The following LSM14B variants were observed in gnomAD, a reference collection of about 807,000 sequenced individuals.
LSM14B encodes the protein LSM family member 14B.
Under a neutral mutation model 42.1 loss-of-function variants are expected in LSM14B, and 8 were observed. That is an observed-to-expected ratio of 0.19 (90% CI 0.11 to 0.34). LSM14B has a LOEUF of 0.34. Ranked by LOEUF, LSM14B falls within the 10% of genes least tolerant of loss-of-function variation. LSM14B has a pLI of 1.00. For synonymous variants in LSM14B, 219 were observed against 209.7 expected (o/e 1.04, Z -0.38); for missense variants, 396 against 513.1 (o/e 0.77, Z 2.21).
chr20:62,128,998 T>TCCTGGAA, intron 3 of LSM14B: 1 of 1,304,000 alleles, frequency 7.7e-7, no homozygotes, highest in Non-Finnish European at 1.0e-6. Context: ...TCCCTACAGG[T>TCCTGGAA]CCTGGAACCT....
At chr20:62,132,843 C>A (rs368124335) in intron 7 of LSM14B, among the ~76,000 whole-genome samples, 23 of 152,180 alleles carry the variant, frequency 1.5e-4, no homozygotes, top group African/African-American at 5.3e-4. Flanking sequence ...ATGCTGTATC[C>A]CTGTCTTTCA....
chr20:62,133,638 G>T (rs1194660445), intron 8 of LSM14B, among the ~76,000 whole-genome samples, 163 bp downstream of exon 8: 1 of 152,220 alleles, frequency 6.6e-6, no homozygotes, highest in Non-Finnish European at 1.5e-5. Flanking sequence ...TCACCCGGGA[G>T]GCTCTTGGCC....
chr20:62,123,313 T>G (rs1029305232), intron 1 of LSM14B: 4 of 152,316 alleles, frequency 2.6e-5, no homozygotes, highest in African/African-American at 7.2e-5. Flanking sequence ...CTGGAACTTA[T>G]TAGACAGCTG....
intron 2 of LSM14B, 50 bp downstream of exon 2, chr20:62,124,830 C>A (rs775241906): frequency 1.3e-6 from 2 of 1,548,390 alleles, no homozygotes; most frequent in Non-Finnish European, 1.7e-6. Flanking sequence ...TGCTGGTTTC[C>A]ATTTGGAGCT....
intron 1 of LSM14B, among the ~76,000 whole-genome samples, chr20:62,123,943 A>G (rs758770730): frequency 2.0e-5 from 3 of 152,226 alleles, no homozygotes; most frequent in Non-Finnish European, 4.4e-5. Flanking sequence ...CCCAGGAGTT[A>G]GCAGGAGTTG....
chr20:62,130,758 G>T lies in LSM14B; in HGVS notation c.835+67G>T, dbSNP rs2056743530. 1 of 1,519,040 alleles carries T rather than the reference G, an allele frequency of 6.6e-7. No individual in the cohort carries two copies. The allele number at this position is 1,519,040 out of a possible 1,614,324, so 94.1% of individuals were successfully genotyped here. ...CCCCTAGAGAGTGTTAGGAGGAGAT[G>T]CCTGGCCGGGTGTGGTGGTTCACGC... On this transcript the variant is annotated intron_variant, in intron 6 of 8. Coordinates refer to ENST00000279068, the MANE Select transcript of LSM14B (RefSeq NM_144703.3). The surrounding 1 kb of genome is among the most constrained non-coding windows in gnomAD (Gnocchi z 4.1).
At chr20:62,128,982 T>TTA (rs1451337673) in intron 3 of LSM14B, 7 of 1,304,264 alleles carry the variant, frequency 5.4e-6, no homozygotes, top group Admixed American at 2.3e-5. Context: ...ATTGTCCTGT[T>TTA]TAGAGTCCCT....
intron 6 of LSM14B, 61 bp from the exon 7 acceptor site, chr20:62,131,295 T>C: frequency 6.5e-7 from 1 of 1,527,322 alleles, no homozygotes; most frequent in Non-Finnish European, 8.8e-7. Context: ...GGGACCACCC[T>C]GCTAAAAGGC....
chr20:62,132,664 C>T (rs1164793508), intron 7 of LSM14B, among the ~76,000 whole-genome samples: 8 of 152,180 alleles, frequency 5.3e-5, no homozygotes, highest in Admixed American at 3.3e-4. Context: ...TCTTTGAACA[C>T]GGAAGTCTGT....
In LSM14B at chr20:62,130,636, C is replaced by A; in HGVS notation, c.780C>A (p.Ala260=). 2 of 1,613,842 alleles carry A rather than the reference C, an allele frequency of 1.2e-6. No individual in the cohort carries two copies. Among genetic ancestry groups the A allele is most frequent in the Non-Finnish European group, 1.7e-6 (2 of 1,179,850 alleles). The change falls in exon 6 of 9, where the codon GCC becomes GCA. Residue 260 remains alanine, a synonymous_variant. Coordinates refer to ENST00000279068, the MANE Select transcript of LSM14B (RefSeq NM_144703.3). The surrounding 1 kb of genome is among the most constrained non-coding windows in gnomAD (Gnocchi z 4.1). ...ACTTTGATTTCGAGAGTGCAAATGCCCAGTTCAACCGAGAGGAGCTTGACA... is the reference window on the plus strand; with the variant it reads ...ACTTTGATTTCGAGAGTGCAAATGCACAGTTCAACCGAGAGGAGCTTGACA... The part of the protein sequence containing the change: ...EGDFDFESAN[A]QFNREELDKE...
At chr20:62,123,350 G>A (rs1600907907) in intron 1 of LSM14B, 1 of 152,502 alleles carries the variant, frequency 6.6e-6, no homozygotes, top group Admixed American at 6.5e-5. Flanking sequence ...CAAATACCGC[G>A]TCCTAATGCG....
chr20:62,127,698 A>G (rs1308194957), intron 3 of LSM14B: 1 of 1,547,602 alleles, frequency 6.5e-7, no homozygotes, highest in Admixed American at 2.0e-5. Context: ...GCTCACTGCC[A>G]AGGGTAACAG....
At chr20:62,126,628 G>C (rs1298720840) in intron 3 of LSM14B, among the ~76,000 whole-genome samples, 189 bp downstream of exon 3, 4 of 152,238 alleles carry the variant, frequency 2.6e-5, no homozygotes, top group Non-Finnish European at 5.9e-5. Context: ...TCAACTGAAA[G>C]TAAAAGAGGC....
chr20:62,129,489 G>A (rs1222480981), intron 3 of LSM14B, among the ~76,000 whole-genome samples: 2 of 152,114 alleles, frequency 1.3e-5, no homozygotes, highest in East Asian at 1.9e-4. Context: ...TTGTAGGCAC[G>A]GTGTTTTTCC....
Position 62,134,462 on chromosome 20 carries a change from CTTACT to C in LSM14B, c.*317_*321del, listed in dbSNP as rs899208211. ...AGGTTTCTATAGTGAAAGCTGAATC[CTTACT>C]TTGTGACTTTTTTTTTTTTTTTTAA... On this transcript the variant is annotated 3_prime_UTR_variant, in exon 9 of 9. Coordinates refer to ENST00000279068, the MANE Select transcript of LSM14B (RefSeq NM_144703.3). 1.3e-5 allele frequency: 3 copies of C among 231,686 alleles called. No homozygotes were observed. The highest frequency in any genetic ancestry group is 2.6e-5 in the Non-Finnish European group (3 of 113,710). The allele number at this position is 231,686 out of a possible 1,614,324, so 14.4% of individuals were successfully genotyped here. A position where few individuals can be genotyped will look rare whatever the true frequency, so the allele number is the denominator to read the frequency against.
intron 7 of LSM14B, 43 bp downstream of exon 7, chr20:62,131,549 A>G: frequency 6.2e-7 from 1 of 1,604,192 alleles, no homozygotes; most frequent in Non-Finnish European, 8.5e-7. Context: ...CCTCCAATCT[A>G]GAAAGGACAG....
intron 8 of LSM14B, among the ~76,000 whole-genome samples, chr20:62,133,711 G>C (rs2056831715): frequency 6.6e-6 from 1 of 152,260 alleles, no homozygotes; most frequent in African/African-American, 2.4e-5. Flanking sequence ...TGAGATTGCA[G>C]GTATGGGAGG....
chr20:62,126,332 C>A lies in LSM14B; in HGVS notation c.320C>A (p.Pro107His). ...QSSLGSASAS[P>H]FQPHVPYSPF... ...TCCCTGGGTTCTGCCTCCGCCTCGC[C>A]CTTCCAGCCGCACGTGCCTTACAGC... Residue 107 changes from proline (P) to histidine (H), a missense_variant, in exon 3 of 9, where the codon CCC becomes CAC. By Grantham distance (77) the Pro-to-His change is moderately conservative (BLOSUM62 -2). Coordinates refer to ENST00000279068, the MANE Select transcript of LSM14B (RefSeq NM_144703.3). 6.2e-7 allele frequency: 1 copy of A among 1,613,860 alleles called. No individual in the cohort carries two copies. Among genetic ancestry groups the A allele is most frequent in the African/African-American group, 1.3e-5 (1 of 75,074 alleles).
intron 1 of LSM14B, 62 bp from the exon 2 acceptor site, chr20:62,124,555 G>A: frequency 1.9e-6 from 3 of 1,556,138 alleles, no homozygotes; most frequent in South Asian, 2.3e-5. Flanking sequence ...GGGAGCAGTG[G>A]TGTCAGGGTT....
Sources: allele counts gnomAD v4.1 joint callset (sites outside exome capture counted in the v4.1 genomes callset), GRCh38; gene constraint gnomAD v4.1.1; non-coding constraint Gnocchi (gnomAD v3.1); transcripts MANE v1.5; gene names NCBI Gene and HGNC (gene_info 2026-07-23, HGNC 2026-07-21).